The following CYP2A7 variants were observed in gnomAD, a reference collection of about 807,000 sequenced individuals.
The protein encoded by CYP2A7 is cytochrome P450 2A7.
CYP2A7 carries 36 observed loss-of-function variants against 42.0 expected under a neutral mutation model. The ratio of observed to expected loss-of-function variants is 0.86; its 90% CI spans 0.66 to 1.13. The LOEUF (loss-of-function observed/expected upper bound fraction) is 1.13, where lower values mean the gene tolerates loss of function less well. CYP2A7 is among the 50% of genes most tolerant of loss of function. The pLI is 0.00. For missense variants in CYP2A7, 661 were observed against 634.1 expected (o/e 1.04, Z -0.46); for synonymous variants, 260 against 249.5 (o/e 1.04, Z -0.40).
Position 40,882,127 on chromosome 19 carries a change from CT to C in CYP2A7, c.83del (p.Lys28ArgfsTer22), listed in dbSNP as rs747066152. 3.1e-6 allele frequency: 5 copies of C among 1,614,002 alleles called. No individual in the cohort carries two copies. The highest frequency in any genetic ancestry group is 4.2e-6 in the Non-Finnish European group (5 of 1,179,896). On this transcript the variant is annotated frameshift_variant, in exon 1 of 9. Coordinates refer to ENST00000301146, the MANE Select transcript of CYP2A7 (RefSeq NM_000764.3). LOFTEE classifies it high-confidence loss of function. ...GTCCCGGAGGCAGCTTCCCCCTGCT[CT>C]TCCTCTGCTGCCAGACAGACATCAA... ...MVLMSVWQQR[K>X]SRGKLPPGPT...
intron 2 of CYP2A7, among the ~76,000 whole-genome samples, chr19:40,881,068 A>C (rs1967671615): frequency 6.6e-6 from 1 of 151,252 alleles, no homozygotes; most frequent in Admixed American, 6.6e-5. Context: ...AAACATTCTT[A>C]AGCTGAGCTG....
intron 2 of CYP2A7, 144 bp downstream of exon 2, chr19:40,881,445 C>T: frequency 7.1e-7 from 1 of 1,400,138 alleles, no homozygotes; most frequent in Non-Finnish European, 9.7e-7. Context: ...ATGGAGAGGC[C>T]ACAGTGAAGG....
chr19:40,881,552 C>G, intron 2 of CYP2A7, 37 bp downstream of exon 2: 1 of 1,609,688 alleles, frequency 6.2e-7, no homozygotes, highest in East Asian at 2.2e-5. Flanking sequence ...CCATCGTGTC[C>G]GCCTGGCCAC....
rs555497023 is a variant in CYP2A7, at chr19:40,876,798, G to C, written c.1162-130C>G. On this transcript the variant is annotated intron_variant, in intron 7 of 8. Coordinates refer to ENST00000301146, the MANE Select transcript of CYP2A7 (RefSeq NM_000764.3). ...GCAGGCATGGAGGAGTTGGGGTCCT[G>C]TGAAGGAGGAGCTTTGGGGAATAGA... The C allele has an allele frequency of 1.1e-4, 142 of 1,267,514 alleles. 1 individual carries two copies. Among genetic ancestry groups the C allele is most frequent in the Middle Eastern group, 5.6e-4 (2 of 3,554 alleles). 78.5% of individuals were successfully genotyped at this position (1,267,514 alleles called of 1,614,324 possible).
Position 40,875,473 on chromosome 19 carries a change from C to T in CYP2A7, c.*220G>A, listed in dbSNP as rs1472995395. The T allele has an allele frequency of 8.5e-5, 53 of 626,546 alleles. 1 individual carries two copies. Among genetic ancestry groups the T allele is most frequent in the East Asian group, 3.5e-4 (12 of 34,586 alleles). 38.8% of individuals were successfully genotyped at this position (626,546 alleles called of 1,614,324 possible). A position where few individuals can be genotyped will look rare whatever the true frequency, so the allele number is the denominator to read the frequency against. On this transcript the variant is annotated 3_prime_UTR_variant, in exon 9 of 9. Coordinates refer to ENST00000301146, the MANE Select transcript of CYP2A7 (RefSeq NM_000764.3). Reference sequence around the variant, plus strand: ...AAGAGCTGCTATTATTACTACTCTTCATAGCATAATGTAAGGTTTCCCTTC... The same window carrying T: ...AAGAGCTGCTATTATTACTACTCTTTATAGCATAATGTAAGGTTTCCCTTC...
At position 40,876,773 on chromosome 19, in the gene CYP2A7, G is replaced by A. The variant is rs1013983610; in HGVS notation, c.1162-105C>T. 14 of 1,450,034 alleles carry A rather than the reference G, an allele frequency of 9.7e-6. No individual in the cohort carries two copies. In the Admixed American group the frequency reaches 2.6e-4, roughly 27 times the overall value. The allele number at this position is 1,450,034 out of a possible 1,614,324, so 89.8% of individuals were successfully genotyped here. ...AGTGTGCCCCAGGTAAGGGGAAGTG[G>A]CAGGCATGGAGGAGTTGGGGTCCTG... On this transcript the variant is annotated intron_variant, in intron 7 of 8. Coordinates refer to ENST00000301146, the MANE Select transcript of CYP2A7 (RefSeq NM_000764.3).
intron 2 of CYP2A7, 59 bp from the exon 3 acceptor site, chr19:40,880,687 C>T (rs929547101): frequency 1.9e-6 from 3 of 1,557,688 alleles, no homozygotes; most frequent in Admixed American, 3.7e-5. Context: ...CAGGAGCGGA[C>T]CAGTTCCAAG....
At position 40,877,266 on chromosome 19, in the gene CYP2A7, A is replaced by G. The variant is rs150178247; in HGVS notation, c.1085T>C (p.Phe362Ser). Residue 362 changes from phenylalanine (F) to serine (S), a missense_variant, in exon 7 of 9, where the codon TTT becomes TCT. Physicochemically the swap from Phe to Ser is radical, Grantham distance 155 (BLOSUM62 -2). Transcript: ENST00000301146. ...CAAACTCATGGGGATCACGTCTCCA[A>G]ATCTTTGGATCTCGTGGATCACTGC... ...MEAVIHEIQRFGDVIPMSLAR... is the reference protein window; with the variant it reads ...MEAVIHEIQRSGDVIPMSLAR... 8.7e-6 allele frequency: 14 copies of G among 1,612,548 alleles called. No homozygotes were observed. The highest frequency in any genetic ancestry group is 4.0e-5 in the African/African-American group (3 of 74,804).
At chr19:40,878,484 G>A (rs1345720461) in intron 5 of CYP2A7, among the ~76,000 whole-genome samples, 2 of 151,756 alleles carry the variant, frequency 1.3e-5, no homozygotes, top group Non-Finnish European at 1.5e-5. Flanking sequence ...CCCCCTTCGC[G>A]CCACCACGTG....
chr19:40,881,655 C>T lies in CYP2A7; in HGVS notation c.277G>A (p.Asp93Asn), dbSNP rs1452393290. 2 of 1,613,254 alleles carry T rather than the reference C, an allele frequency of 1.2e-6. No homozygotes were observed. Among genetic ancestry groups the T allele is most frequent in the Non-Finnish European group, 8.5e-7 (1 of 1,179,786 alleles). ...CGCCCGCTGAACTCCTCAGCCTGGTCCACCAGAGCCTCCCTGACGGCATCA... is the reference window on the plus strand; with the variant it reads ...CGCCCGCTGAACTCCTCAGCCTGGTTCACCAGAGCCTCCCTGACGGCATCA... ...GHDAVREALV[D>N]QAEEFSGRGE... Residue 93 changes from aspartate (D) to asparagine (N), a missense_variant, in exon 2 of 9, where the codon GAC (aspartate) becomes AAC (asparagine). Asp to Asn is a conservative substitution (Grantham distance 23). This residue lies in a region of CYP2A7 where 614 missense variants were observed against 552.4 expected (regional missense o/e 1.11). Coordinates refer to ENST00000301146, the MANE Select transcript of CYP2A7 (RefSeq NM_000764.3).
In CYP2A7 at chr19:40,880,794, C is replaced by A. The variant is rs561546108; in HGVS notation, c.344-166G>T. Among the ~76,000 whole-genome samples the A allele has an allele frequency of 2.8e-3, 62 of 21,776 alleles. 6 individuals carry two copies. The highest frequency in any genetic ancestry group is 0.012 in the African/African-American group (60 of 5,066). The allele number at this position is 21,776 out of a possible 152,430, so 14.3% of individuals were successfully genotyped here. On this transcript the variant is annotated intron_variant, in intron 2 of 8. Transcript: ENST00000301146. ...AGGTGCAAACTCAGTCAGAGAAACA[C>A]GAGGGAGAGAGAGAGAGAGAGAGAG... is the stretch of plus-strand genomic sequence containing the variant.
chr19:40,880,317 G>T, intron 3 of CYP2A7, 73 bp from the exon 4 acceptor site: 1 of 1,566,182 alleles, frequency 6.4e-7, no homozygotes, highest in East Asian at 2.2e-5. Context: ...AGAATTCCAG[G>T]AGGCAGGGCC....
intron 2 of CYP2A7, among the ~76,000 whole-genome samples, 170 bp from the exon 3 acceptor site, chr19:40,880,798 G>GGAGAGAGAGAGAGAGA: frequency 7.3e-5 from 2 of 27,442 alleles, no homozygotes; most frequent in East Asian, 1.7e-3. Flanking sequence ...GAAACACGAG[G>GGAGAGAGAGAGAGAGA]GAGAGAGAGA....
In CYP2A7 at chr19:40,876,608, G is replaced by T. The variant is rs1568524748; in HGVS notation, c.1222C>A (p.Pro408Thr). The T allele has an allele frequency of 6.2e-7, 1 of 1,613,060 alleles. No individual in the cohort carries two copies. The highest frequency in any genetic ancestry group is 8.5e-7 in the Non-Finnish European group (1 of 1,179,268). Reference protein sequence around the residue: ...VLRDPSFFSNPQDFNPQHFLD... With the variant: ...VLRDPSFFSNTQDFNPQHFLD... Reference sequence around the variant, plus strand: ...AAATGCTGGGGATTGAAGTCCTGAGGGTTGGAGAAGAAGCTGGGGTCTCTC... The same window carrying T: ...AAATGCTGGGGATTGAAGTCCTGAGTGTTGGAGAAGAAGCTGGGGTCTCTC... The change falls in exon 8 of 9, where the codon CCT (proline) becomes ACT (threonine). Residue 408 changes from proline to threonine, a missense_variant. Pro to Thr is a conservative substitution (Grantham distance 38). Around this residue, in one of 3 missense-constraint regions of CYP2A7, gnomAD observed 614 missense variants for 552.4 expected, o/e 1.11. Coordinates refer to ENST00000301146, the MANE Select transcript of CYP2A7 (RefSeq NM_000764.3).
intron 6 of CYP2A7, among the ~76,000 whole-genome samples, chr19:40,877,619 C>G (rs536017082): frequency 3.3e-5 from 5 of 151,514 alleles, no homozygotes; most frequent in Admixed American, 1.3e-4. Flanking sequence ...GAAGGGGCAG[C>G]GGGCACTCAG....
rs763732620 is a variant in CYP2A7 at position 40,880,644 on chromosome 19, C to G, written c.344-16G>C. On this transcript the variant is annotated splice_polypyrimidine_tract_variant and intron_variant, in intron 2 of 8. Transcript: ENST00000301146. The stretch of plus-strand genomic sequence containing the variant: ...AACGCCACGCCTGGGGAGGTCAAGG[C>G]GGGGGTGGAGAGAGGTCAGGGGGCG... 1.3e-6 allele frequency: 2 copies of G among 1,585,068 alleles called. No individual in the cohort carries two copies. The highest frequency in any genetic ancestry group is 1.7e-6 in the Non-Finnish European group (2 of 1,163,162).
Position 40,880,626 on chromosome 19 carries a change from C to T in CYP2A7, c.346G>A (p.Val116Met), listed in dbSNP as rs758086123. 3.5e-5 allele frequency: 56 copies of T among 1,587,796 alleles called. 12 individuals are homozygous for T. Among genetic ancestry groups the T allele is most frequent in the Admixed American group, 5.3e-5 (3 of 56,742 alleles). The change falls in exon 3 of 9, where the codon GTG becomes ATG. Residue 116 changes from valine (V) to methionine (M), a missense_variant and splice_region_variant. Coordinates refer to ENST00000301146, the MANE Select transcript of CYP2A7 (RefSeq NM_000764.3). ...TFDWVFKGYG[V>M]AFSNGERAKQ... Reference sequence around the variant, plus strand: ...GCGCGCTCCCCGTTGCTGAACGCCACGCCTGGGGAGGTCAAGGCGGGGGTG... The same window carrying T: ...GCGCGCTCCCCGTTGCTGAACGCCATGCCTGGGGAGGTCAAGGCGGGGGTG...
rs1599791853 is a variant in CYP2A7 at position 40,877,926 on chromosome 19, A to G, written c.899T>C (p.Ile300Thr). 6.2e-7 allele frequency: 1 copy of G among 1,612,630 alleles called. No homozygotes were observed. Among genetic ancestry groups the G allele is most frequent in the Non-Finnish European group, 8.5e-7 (1 of 1,179,072 alleles). ...GGTGCTGACCGTCTCGGTGCCTGCA[A>G]TGAAGAGGTTCAACGTGCTCATCAT... ...NLMMSTLNLF[I>T]AGTETVSTTL... Residue 300 changes from isoleucine (I) to threonine (T), a missense_variant, in exon 6 of 9, where the codon ATT becomes ACT. Physicochemically the swap from Ile to Thr is moderately conservative, Grantham distance 89 (BLOSUM62 -1). Coordinates refer to ENST00000301146, the MANE Select transcript of CYP2A7 (RefSeq NM_000764.3).
chr19:40,881,852 TCA>T lies in CYP2A7; in HGVS notation c.181-103_181-102del, dbSNP rs914706626. 3.2e-6 allele frequency: 5 copies of T among 1,542,616 alleles called. No homozygotes were observed. The African/African-American group carries it at 6.9e-5, about 21-fold the overall frequency. On this transcript the variant is annotated intron_variant, in intron 1 of 8. Coordinates refer to ENST00000301146, the MANE Select transcript of CYP2A7 (RefSeq NM_000764.3). The stretch of plus-strand genomic sequence containing the variant: ...ACTGGGATCCTTCACCCCCAGGTTC[TCA>T]CAGTCAGGGAGCTGGACATCCCAAG...
Sources: gnomAD v4.1 joint callset for allele counts (sites outside exome capture counted in the v4.1 genomes callset) on GRCh38, gnomAD v4.1.1 for gene constraint, gnomAD v4.1.1 regional missense constraint, MANE v1.5 for transcripts, NCBI Gene and HGNC (gene_info 2026-07-23, HGNC 2026-07-21) for gene names.